The following HECW2 variants were observed in gnomAD, a reference collection of about 807,000 sequenced individuals.
HECW2 encodes the protein E3 ubiquitin-protein ligase HECW2.
In HECW2, 61 loss-of-function variants were observed where a neutral mutation model predicts 175.2. That is an observed-to-expected ratio of 0.35 (90% CI 0.28 to 0.43). HECW2 has a LOEUF of 0.43. Ranked by LOEUF, HECW2 falls within the 20% of genes least tolerant of loss-of-function variation. The pLI is 1.00. For synonymous variants in HECW2, 671 were observed against 731.0 expected (o/e 0.92, Z 1.32); for missense variants, 1,524 against 2,000.5 (o/e 0.76, Z 4.54).
At chr2:196,458,049 T>A (rs1305193359) in intron 1 of HECW2, among the ~76,000 whole-genome samples, 1 of 152,012 alleles carries the variant, frequency 6.6e-6, no homozygotes, top group Non-Finnish European at 1.5e-5. Context: ...GTGGGAGAAC[T>A]GCTTGAGCCC....
At chr2:196,512,492 A>G (rs2125418151) in intron 1 of HECW2, among the ~76,000 whole-genome samples, 1 of 152,162 alleles carries the variant, frequency 6.6e-6, no homozygotes, top group East Asian at 1.9e-4. Flanking sequence ...CTCAGGCTCA[A>G]GCAGTCCTCC....
intron 1 of HECW2, among the ~76,000 whole-genome samples, chr2:196,457,926 T>C (rs1186792373): frequency 6.6e-6 from 1 of 152,118 alleles, no homozygotes; most frequent in Non-Finnish European, 1.5e-5. Flanking sequence ...TCTAAACAAA[T>C]AATCAAAAGG....
intron 13 of HECW2, among the ~76,000 whole-genome samples, chr2:196,300,695 T>A (rs1025090019): frequency 3.1e-5 from 3 of 95,684 alleles, no homozygotes; most frequent in Non-Finnish European, 7.0e-5. Flanking sequence ...TATCTATATC[T>A]ATACACATAT....
chr2:196,348,061 A>G (rs1290523492), intron 2 of HECW2, among the ~76,000 whole-genome samples: 1 of 152,240 alleles, frequency 6.6e-6, no homozygotes, highest in Non-Finnish European at 1.5e-5. Flanking sequence ...CATGCTAAGA[A>G]ATGCCTAGAA....
chr2:196,575,117 C>T (rs966109234), intron 1 of HECW2, among the ~76,000 whole-genome samples: 2 of 142,988 alleles, frequency 1.4e-5, no homozygotes, highest in African/African-American at 2.7e-5. Flanking sequence ...GCAAAGATCC[C>T]GAACAGACAT....
chr2:196,563,843 A>C (rs752670679), intron 1 of HECW2, among the ~76,000 whole-genome samples: 2 of 152,330 alleles, frequency 1.3e-5, no homozygotes, highest in Middle Eastern at 6.8e-3. Context: ...GGGATTACAG[A>C]ATTAGAACAT....
intron 5 of HECW2, among the ~76,000 whole-genome samples, chr2:196,327,544 C>T (rs1187978803): frequency 2.6e-5 from 4 of 152,140 alleles, no homozygotes; most frequent in African/African-American, 9.7e-5. Context: ...CCATAAAATT[C>T]AAGTATTTGT....
At chr2:196,366,156 T>C (rs1335825794) in intron 2 of HECW2, among the ~76,000 whole-genome samples, 1 of 152,196 alleles carries the variant, frequency 6.6e-6, no homozygotes, top group East Asian at 1.9e-4. Context: ...AGGAACTTGA[T>C]CAAGGGAGCA....
intron 2 of HECW2, among the ~76,000 whole-genome samples, chr2:196,403,061 C>T (rs9973593): frequency 0.029 from 4,482 of 152,222 alleles, 222 homozygotes; most frequent in African/African-American, 0.1. Flanking sequence ...CCCACCTTGG[C>T]CTCCCAAGTG....
intron 1 of HECW2, among the ~76,000 whole-genome samples, chr2:196,456,020 A>G (rs143439267): frequency 0.012 from 1,763 of 152,094 alleles, 39 homozygotes; most frequent in African/African-American, 0.04. Context: ...AGGAGACTCA[A>G]TTTTTCACAA....
At chr2:196,447,711 T>G (rs1025388841) in intron 1 of HECW2, among the ~76,000 whole-genome samples, 29 of 152,198 alleles carry the variant, frequency 1.9e-4, no homozygotes, top group African/African-American at 7.0e-4. Context: ...TATCGTATTG[T>G]GCTATCACAC....
chr2:196,442,876 A>G (rs1312052785), intron 1 of HECW2, among the ~76,000 whole-genome samples: 1 of 152,220 alleles, frequency 6.6e-6, no homozygotes, highest in Admixed American at 6.5e-5. Context: ...GATGGTTCCT[A>G]CTATTATTTA....
intron 1 of HECW2, among the ~76,000 whole-genome samples, chr2:196,523,376 C>A (rs1688494236): frequency 6.6e-6 from 1 of 151,946 alleles, no homozygotes; most frequent in Non-Finnish European, 1.5e-5. Flanking sequence ...AGATTTTGGG[C>A]TGAGACAATG....
intron 2 of HECW2, among the ~76,000 whole-genome samples, chr2:196,364,283 C>G (rs1693685673): frequency 6.6e-6 from 1 of 152,208 alleles, no homozygotes; most frequent in South Asian, 2.1e-4. Flanking sequence ...CTACTTCCCC[C>G]CAGCATAAGA....
intron 2 of HECW2, among the ~76,000 whole-genome samples, chr2:196,408,466 T>C: frequency 6.6e-6 from 1 of 152,246 alleles, no homozygotes; most frequent in East Asian, 1.9e-4. Flanking sequence ...TTTATGACAC[T>C]GTATCCAGTA....
intron 1 of HECW2, among the ~76,000 whole-genome samples, chr2:196,494,239 C>T (rs949054171): frequency 1.3e-5 from 2 of 152,126 alleles, no homozygotes; most frequent in Non-Finnish European, 1.5e-5. Context: ...AATCATAAAG[C>T]AACATGTATG....
intron 13 of HECW2, among the ~76,000 whole-genome samples, chr2:196,302,198 AG>A (rs1691089553): frequency 6.6e-6 from 1 of 152,148 alleles, no homozygotes; most frequent in Admixed American, 6.5e-5. Flanking sequence ...AAATGGTTGT[AG>A]GTGTGCAGTC....
intron 5 of HECW2, among the ~76,000 whole-genome samples, chr2:196,327,568 CATAG>C (rs760828142): frequency 1.3e-5 from 2 of 152,150 alleles, no homozygotes; most frequent in Non-Finnish European, 2.9e-5. Context: ...CCTACCTATC[CATAG>C]ATAATCAAGA....
intron 1 of HECW2, among the ~76,000 whole-genome samples, chr2:196,481,195 T>G (rs1056462805): frequency 6.6e-6 from 1 of 152,240 alleles, no homozygotes; most frequent in Non-Finnish European, 1.5e-5. Context: ...CCAATGTTTT[T>G]TAAAAGATCT....
Sources: allele counts gnomAD v4.1 joint callset (sites outside exome capture counted in the v4.1 genomes callset), GRCh38; gene constraint gnomAD v4.1.1; transcripts MANE v1.5; gene names NCBI Gene and HGNC (gene_info 2026-07-23, HGNC 2026-07-21).